CHI3L2: variants seen among roughly 807,000 people sequenced by gnomAD.
CHI3L2 encodes chitinase-3-like protein 2.
Under a neutral mutation model 47.3 loss-of-function variants are expected in CHI3L2, and 47 were observed. That is an observed-to-expected ratio of 0.99 (90% CI 0.79 to 1.27). The LOEUF is 1.27. CHI3L2 is among the 50% of genes most tolerant of loss of function. CHI3L2 has a pLI of 0.00. For missense variants in CHI3L2, 497 were observed against 462.1 expected (o/e 1.08, Z -0.69); for synonymous variants, 198 against 169.9 (o/e 1.17, Z -1.28).
Position 111,242,301 on chromosome 1 carries a change from A to C in CHI3L2, c.1110A>C (p.Lys370Asn). Residue 370 changes from lysine to asparagine, a missense_variant, in exon 10 of 11, where the codon AAA becomes AAC. Lys to Asn is a moderately conservative substitution (Grantham distance 94, BLOSUM62 0). Transcript: ENST00000369748. Reference sequence around the variant, plus strand: ...TTGACATGGATGACTTCACTGGCAAATCCTGCAACCAGGGCCCTTACCCTC... The same window carrying C: ...TTGACATGGATGACTTCACTGGCAACTCCTGCAACCAGGGCCCTTACCCTC... The part of the protein sequence containing the change: ...WSIDMDDFTG[K>N]SCNQGPYPLV... 6.2e-7 allele frequency: 1 copy of C among 1,614,068 alleles called. No homozygotes were observed.
chr1:111,235,382 A>G (rs947933144), intron 5 of CHI3L2, among the ~76,000 whole-genome samples: 1 of 152,224 alleles, frequency 6.6e-6, no homozygotes, highest in South Asian at 2.1e-4. Flanking sequence ...CAGAAGATCT[A>G]TCAGATAGAT....
At chr1:111,238,530 T>C (rs1379885711) in intron 7 of CHI3L2, among the ~76,000 whole-genome samples, 1 of 152,236 alleles carries the variant, frequency 6.6e-6, no homozygotes, top group South Asian at 2.1e-4. Flanking sequence ...CACTGTCTAG[T>C]TCCTTTCAGA....
chr1:111,229,838 C>T lies in CHI3L2; in HGVS notation c.41-14C>T, dbSNP rs373136804. The T allele has an allele frequency of 6.2e-6, 10 of 1,613,956 alleles. No homozygotes were observed. The South Asian group carries it at 7.7e-5, about 12-fold the overall frequency. ...TTGGCTCAACAGATTTCTCTTTCCA[C>T]CCATCTATTGCAGGTGTAGTGGTCT... On this transcript the variant is annotated splice_polypyrimidine_tract_variant and intron_variant, in intron 1 of 10. Transcript: ENST00000369748.
Position 111,236,064 on chromosome 1 carries a change from G to C in CHI3L2, c.646G>C (p.Gly216Arg). ...CAACCTCCTGTCCTTTGACTTCCAT[G>C]GGTCTTGGGAAAAGCCCCTTATCAC... ...FINLLSFDFH[G>R]SWEKPLITGH... Residue 216 changes from glycine (G) to arginine (R), a missense_variant, in exon 7 of 11, where the codon GGG (glycine) becomes CGG (arginine). Gly to Arg is a moderately radical substitution (Grantham distance 125). Transcript: ENST00000369748. The C allele has an allele frequency of 6.2e-7, 1 of 1,614,186 alleles. No individual in the cohort carries two copies. Among genetic ancestry groups the C allele is most frequent in the African/African-American group, 1.3e-5 (1 of 75,040 alleles).
At chr1:111,238,147 TG>T (rs1659937482) in intron 7 of CHI3L2, among the ~76,000 whole-genome samples, 1 of 152,236 alleles carries the variant, frequency 6.6e-6, no homozygotes. Flanking sequence ...ACATCTTACA[TG>T]TACTGACTGA....
intron 4 of CHI3L2, 127 bp from the exon 5 acceptor site, chr1:111,234,780 T>G: frequency 1.2e-6 from 1 of 858,292 alleles, no homozygotes; most frequent in Non-Finnish European, 1.8e-6. Flanking sequence ...GGGGAAAGCA[T>G]TAGAATAGAC....
rs139094730 is a variant in CHI3L2 at position 111,236,032 on chromosome 1, A to G, written c.614A>G (p.Asp205Gly). Reference sequence around the variant, plus strand: ...TGCTTTTGGCACTTTAGAGATCTGGATTTCATCAACCTCCTGTCCTTTGAC... The same window carrying G: ...TGCTTTTGGCACTTTAGAGATCTGGGTTTCATCAACCTCCTGTCCTTTGAC... ...YQVEKLAKDL[D>G]FINLLSFDFH... The change falls in exon 7 of 11, where the codon GAT becomes GGT. Residue 205 changes from aspartate to glycine, a missense_variant. By Grantham distance (94) the Asp-to-Gly change is moderately conservative. Coordinates refer to ENST00000369748, the MANE Select transcript of CHI3L2 (RefSeq NM_004000.3). The G allele has an allele frequency of 1.2e-5, 19 of 1,614,102 alleles. No homozygotes were observed. The highest frequency in any genetic ancestry group is 1.5e-5 in the Non-Finnish European group (18 of 1,180,026).
At chr1:111,230,671 G>GA in intron 2 of CHI3L2, 71 bp from the exon 3 acceptor site, 1 of 1,312,492 alleles carries the variant, frequency 7.6e-7, no homozygotes, top group Non-Finnish European at 1.1e-6. Context: ...GTCTTGGGGA[G>GA]AAAATTGTGA....
chr1:111,231,207 A>G, intron 3 of CHI3L2, 31 bp from the exon 4 acceptor site: 1 of 1,565,408 alleles, frequency 6.4e-7, no homozygotes, highest in Non-Finnish European at 8.8e-7. Flanking sequence ...GCAGCCAGAA[A>G]ATAAATAATC....
intron 7 of CHI3L2, 57 bp downstream of exon 7, chr1:111,236,210 G>A: frequency 1.3e-6 from 2 of 1,564,684 alleles, no homozygotes; most frequent in Non-Finnish European, 1.7e-6. Flanking sequence ...GCTGGGGAGA[G>A]TCCAGCATGT....
At chr1:111,242,878 G>T (rs1660102528) in intron 10 of CHI3L2, among the ~76,000 whole-genome samples, 1 of 152,120 alleles carries the variant, frequency 6.6e-6, no homozygotes, top group Admixed American at 6.6e-5. Flanking sequence ...TACCTTGAAG[G>T]TCGGTGGCTT....
intron 4 of CHI3L2, among the ~76,000 whole-genome samples, chr1:111,232,160 A>G (rs1488384935): frequency 6.6e-6 from 1 of 152,230 alleles, no homozygotes; most frequent in African/African-American, 2.4e-5. Flanking sequence ...ATTTCTGCAC[A>G]CAGAAAGAAG....
intron 8 of CHI3L2, among the ~76,000 whole-genome samples, chr1:111,239,526 T>C (rs1419467273): frequency 6.6e-6 from 1 of 152,054 alleles, no homozygotes; most frequent in East Asian, 1.9e-4. Flanking sequence ...CTGAGGGACA[T>C]GCAGAGGAAG....
At chr1:111,229,369 T>TGGGG (rs1313109834) in intron 1 of CHI3L2, among the ~76,000 whole-genome samples, 4 of 152,140 alleles carry the variant, frequency 2.6e-5, no homozygotes, top group Non-Finnish European at 5.9e-5. Flanking sequence ...ACCCCAGGGC[T>TGGGG]GGGGACCTCA....
intron 10 of CHI3L2, among the ~76,000 whole-genome samples, chr1:111,242,838 A>G (rs1372038053): frequency 6.6e-6 from 1 of 152,090 alleles, no homozygotes; most frequent in Non-Finnish European, 1.5e-5. Context: ...CATGGTCATT[A>G]TTGCTACGCC....
In CHI3L2 at chr1:111,230,745, C is replaced by T; in HGVS notation, c.74C>T (p.Ser25Phe). 6.2e-7 allele frequency: 1 copy of T among 1,614,056 alleles called. No homozygotes were observed. Among genetic ancestry groups the T allele is most frequent in the Non-Finnish European group, 8.5e-7 (1 of 1,179,904 alleles). Residue 25 changes from serine to phenylalanine, a missense_variant, in exon 3 of 11, where the codon TCT becomes TTT. Ser to Phe is a radical substitution (Grantham distance 155, BLOSUM62 -2). Coordinates refer to ENST00000369748, the MANE Select transcript of CHI3L2 (RefSeq NM_004000.3). The part of the protein sequence containing the change: ...VVVLLLLQGG[S>F]AYKLVCYFTN... ...GGCTCTCTTCACTCTACTCCAGGAT[C>T]TGCCTACAAACTGGTTTGCTACTTT...
chr1:111,234,780 T>A, intron 4 of CHI3L2, 127 bp from the exon 5 acceptor site: 1 of 858,292 alleles, frequency 1.2e-6, no homozygotes, highest in South Asian at 1.7e-5. Context: ...GGGGAAAGCA[T>A]TAGAATAGAC....
At chr1:111,235,566 G>GA in intron 5 of CHI3L2, 73 bp from the exon 6 acceptor site, 1 of 1,514,164 alleles carries the variant, frequency 6.6e-7, no homozygotes, top group Non-Finnish European at 8.9e-7. Context: ...AAACCTCATA[G>GA]ATTCCAGGCA....
At chr1:111,236,949 C>T (rs1013683745) in intron 7 of CHI3L2, among the ~76,000 whole-genome samples, 1 of 152,154 alleles carries the variant, frequency 6.6e-6, no homozygotes, top group Non-Finnish European at 1.5e-5. Flanking sequence ...GGGTTTTTCT[C>T]GCTGTCTTTT....
Sources: gnomAD v4.1 joint callset for allele counts (sites outside exome capture counted in the v4.1 genomes callset) on GRCh38, gnomAD v4.1.1 for gene constraint, MANE v1.5 for transcripts, NCBI Gene and HGNC (gene_info 2026-07-23, HGNC 2026-07-21) for gene names.